The following ERC2 variants were observed in gnomAD, a reference collection of about 807,000 sequenced individuals.
The protein encoded by ERC2 is ELKS/RAB6-interacting/CAST family member 2, also known as ERC protein 2.
In ERC2, 42 loss-of-function variants were observed where a neutral mutation model predicts 114.8. The observed-to-expected ratio is 0.37, with a 90% CI of 0.29 to 0.47. ERC2 has a LOEUF of 0.47. Among genes scored for constraint, ERC2 ranks in the 20% least tolerant of loss-of-function variants. The pLI is 0.99. For missense variants in ERC2, 939 were observed against 1,150.7 expected (o/e 0.82, Z 2.66); for synonymous variants, 454 against 425.5 (o/e 1.07, Z -0.82).
At chr3:55,929,525 G>C (rs983861969) in intron 13 of ERC2, among the ~76,000 whole-genome samples, 2 of 152,174 alleles carry the variant, frequency 1.3e-5, no homozygotes, top group African/African-American at 4.8e-5. Context: ...TTTGAAGCTT[G>C]CTTTCAAATA....
chr3:56,220,532 C>T (rs1408891111), intron 3 of ERC2, among the ~76,000 whole-genome samples: 1 of 152,184 alleles, frequency 6.6e-6, no homozygotes, highest in Non-Finnish European at 1.5e-5. Flanking sequence ...AGTCGACTCA[C>T]GGCCCAAAGC....
intron 7 of ERC2, among the ~76,000 whole-genome samples, chr3:56,068,272 TG>T (rs2076572830): frequency 6.6e-6 from 1 of 152,186 alleles, no homozygotes; most frequent in Non-Finnish European, 1.5e-5. Flanking sequence ...CTTGGGAAGG[TG>T]TACGTGTCCA....
intron 13 of ERC2, among the ~76,000 whole-genome samples, chr3:55,930,512 CCTATTTAATAAA>C (rs2066013110): frequency 6.6e-6 from 1 of 152,076 alleles, no homozygotes; most frequent in Non-Finnish European, 1.5e-5. Flanking sequence ...GAAAGGAGTC[CCTATTTAATAAA>C]TGGTGTTGGG....
chr3:55,901,970 T>C (rs1037977302), intron 13 of ERC2, among the ~76,000 whole-genome samples: 2 of 152,248 alleles, frequency 1.3e-5, no homozygotes, highest in Non-Finnish European at 2.9e-5. Context: ...AATGTCATAA[T>C]TGTGTTCCCT....
chr3:55,871,819 T>A (rs969853460), intron 14 of ERC2, among the ~76,000 whole-genome samples: 6 of 152,178 alleles, frequency 3.9e-5, no homozygotes, highest in African/African-American at 1.2e-4. Context: ...CAATATTTTT[T>A]AAAAAATTAA....
intron 15 of ERC2, among the ~76,000 whole-genome samples, chr3:55,733,581 C>CACACACAT (rs1225393729): frequency 2.0e-5 from 3 of 151,120 alleles, no homozygotes; most frequent in Non-Finnish European, 4.4e-5. Flanking sequence ...CACACACACA[C>CACACACAT]ACACATTCTC....
intron 3 of ERC2, among the ~76,000 whole-genome samples, chr3:56,238,644 A>T (rs1448538669): frequency 1.3e-5 from 2 of 152,160 alleles, no homozygotes; most frequent in Non-Finnish European, 2.9e-5. Flanking sequence ...GCATAGCTTA[A>T]TTGGACCATT....
chr3:55,514,041 C>T (rs993110442), intron 17 of ERC2, among the ~76,000 whole-genome samples: 2 of 152,150 alleles, frequency 1.3e-5, no homozygotes, highest in Non-Finnish European at 2.9e-5. Context: ...TTTCAGACCA[C>T]GTTTACTATA....
chr3:55,972,734 CAT>C (rs1327287897), intron 12 of ERC2, among the ~76,000 whole-genome samples: 1 of 152,108 alleles, frequency 6.6e-6, no homozygotes, highest in Non-Finnish European at 1.5e-5. Flanking sequence ...CTGCAGTAAA[CAT>C]ATGTGTGCAT....
At chr3:55,719,633 T>C (rs1200311246) in intron 15 of ERC2, among the ~76,000 whole-genome samples, 1 of 152,176 alleles carries the variant, frequency 6.6e-6, no homozygotes, top group Non-Finnish European at 1.5e-5. Context: ...TCATACTATC[T>C]GCTATTAAGA....
At chr3:56,378,854 C>T (rs2059644850) in intron 2 of ERC2, among the ~76,000 whole-genome samples, 1 of 152,152 alleles carries the variant, frequency 6.6e-6, no homozygotes, top group African/African-American at 2.4e-5. Context: ...GCAGATGTAC[C>T]TCCATTCGAG....
intron 12 of ERC2, among the ~76,000 whole-genome samples, chr3:55,972,186 C>G (rs899870294): frequency 6.6e-6 from 1 of 152,132 alleles, no homozygotes; most frequent in Non-Finnish European, 1.5e-5. Flanking sequence ...TCATCTTTAT[C>G]ATTAGACCAT....
intron 2 of ERC2, among the ~76,000 whole-genome samples, chr3:56,310,281 G>GAAA (rs1560568507): frequency 1.3e-4 from 20 of 152,120 alleles, no homozygotes; most frequent in African/African-American, 4.8e-4. Flanking sequence ...TGATAGAAAC[G>GAAA]ATAGCTAAAA....
chr3:55,919,428 T>G (rs933026781), intron 13 of ERC2, among the ~76,000 whole-genome samples: 13 of 152,064 alleles, frequency 8.5e-5, no homozygotes, highest in African/African-American at 3.1e-4. Flanking sequence ...TATGCAGCAA[T>G]GAAAATAAAA....
intron 17 of ERC2, among the ~76,000 whole-genome samples, chr3:55,653,276 TTTTCCATAGTTCAC>T (rs1314601042): frequency 1.3e-5 from 2 of 152,170 alleles, no homozygotes; most frequent in East Asian, 3.9e-4. Flanking sequence ...TTTCATGAAT[TTTTCCATAGTTCAC>T]TTTAATTCTA....
chr3:55,535,931 G>A (rs1015439592), intron 17 of ERC2, among the ~76,000 whole-genome samples: 6 of 151,080 alleles, frequency 4.0e-5, no homozygotes, highest in African/African-American at 1.2e-4. Context: ...CCTGGGAGGC[G>A]GAGGTTGCAG....
chr3:56,153,203 C>T (rs927541207), intron 4 of ERC2, among the ~76,000 whole-genome samples: 5 of 152,134 alleles, frequency 3.3e-5, no homozygotes, highest in African/African-American at 1.2e-4. Flanking sequence ...GGGAACCAGT[C>T]ACTTTGCCAG....
At chr3:56,061,349 T>A (rs942668912) in intron 7 of ERC2, among the ~76,000 whole-genome samples, 4 of 152,212 alleles carry the variant, frequency 2.6e-5, no homozygotes, top group Non-Finnish European at 4.4e-5. Flanking sequence ...CTTGTAAGCA[T>A]TTCGAATGTG....
At chr3:56,158,540 T>C (rs1220552826) in intron 4 of ERC2, among the ~76,000 whole-genome samples, 1 of 152,158 alleles carries the variant, frequency 6.6e-6, no homozygotes, top group Non-Finnish European at 1.5e-5. Context: ...CTTGATCCTC[T>C]ATTATGTGCC....
Sources: allele counts gnomAD v4.1 joint callset (sites outside exome capture counted in the v4.1 genomes callset), GRCh38; gene constraint gnomAD v4.1.1; transcripts MANE v1.5; gene names NCBI Gene and HGNC (gene_info 2026-07-23, HGNC 2026-07-21).